GPHN: variants seen among roughly 807,000 people sequenced by gnomAD.
GPHN encodes gephyrin.
Under a neutral mutation model 95.5 loss-of-function variants are expected in GPHN, and 17 were observed. That is an observed-to-expected ratio of 0.18 (90% CI 0.12 to 0.27). GPHN has a LOEUF of 0.27. Among genes scored for constraint, GPHN ranks in the 10% least tolerant of loss-of-function variants. The pLI is 1.00. For synonymous variants in GPHN, 320 were observed against 322.5 expected, an observed-to-expected ratio of 0.99 and a Z score of 0.08; for missense variants, 660 against 978.1, an observed-to-expected ratio of 0.67 and a Z score of 4.34.
the GPHN span, among the ~76,000 whole-genome samples, chr14:67,477,384 C>A: frequency 6.6e-6 from 1 of 152,178 alleles, no homozygotes; most frequent in Non-Finnish European, 1.5e-5. Flanking sequence ...TGAGTATAAA[C>A]CAGCTTGCAG....
At chr14:66,668,278 C>T (rs1437453919) in intron 1 of GPHN, among the ~76,000 whole-genome samples, 1 of 152,204 alleles carries the variant, frequency 6.6e-6, no homozygotes, top group African/African-American at 2.4e-5. Context: ...AATCCCATTA[C>T]TGGGTATATA....
Position 66,922,721 on chromosome 14 carries a change from A to T in GPHN, c.512A>T (p.Asp171Val). Reference sequence around the variant, plus strand: ...CCTCATGCCATTGACCTTTTACGTGATGCCATTGTAAAAGTAAAGGAGGTG... The same window carrying T: ...CCTCATGCCATTGACCTTTTACGTGTTGCCATTGTAAAAGTAAAGGAGGTG... ...ALPHAIDLLR[D>V]AIVKVKEVHD... Residue 171 changes from aspartate to valine, a missense_variant, in exon 7 of 23, where the codon GAT (aspartate) becomes GTT (valine). This residue lies in a region of GPHN where 71 missense variants were observed against 130.8 expected (regional missense o/e 0.54). Coordinates refer to ENST00000478722, the MANE Select transcript of GPHN (RefSeq NM_020806.5). 1 of 1,612,916 alleles carries T rather than the reference A, an allele frequency of 6.2e-7. No individual in the cohort carries two copies. Among genetic ancestry groups the T allele is most frequent in the South Asian group, 1.1e-5 (1 of 91,048 alleles).
chr14:67,289,595 C>T, the GPHN span, among the ~76,000 whole-genome samples: 663 of 151,750 alleles, frequency 4.4e-3, 19 homozygotes, highest in East Asian at 0.06. Flanking sequence ...TGATTTGGGG[C>T]GGGAAAGATA....
chr14:67,150,458 A>AC (rs2081203718), intron 18 of GPHN, among the ~76,000 whole-genome samples: 1 of 148,174 alleles, frequency 6.7e-6, no homozygotes, highest in Non-Finnish European at 1.5e-5. Context: ...AAAAACAAAA[A>AC]AAAAAAAAAA....
intron 9 of GPHN, among the ~76,000 whole-genome samples, chr14:66,982,438 A>C (rs974822585): frequency 6.6e-6 from 1 of 152,186 alleles, no homozygotes; most frequent in Non-Finnish European, 1.5e-5. Flanking sequence ...TAGTTTCCCC[A>C]GTAATTAATC....
At chr14:66,552,944 G>A (rs2059870449) in intron 1 of GPHN, among the ~76,000 whole-genome samples, 1 of 147,064 alleles carries the variant, frequency 6.8e-6, no homozygotes, top group Non-Finnish European at 1.5e-5. Context: ...TATTTATCCT[G>A]TTTGGGATTG....
the GPHN span, among the ~76,000 whole-genome samples, chr14:67,213,984 T>C: frequency 6.6e-6 from 1 of 152,268 alleles, no homozygotes; most frequent in African/African-American, 2.4e-5. Context: ...TATCTGTTCA[T>C]GTCCTTCGCC....
chr14:67,578,063 C>T, the GPHN span: 90 of 1,613,798 alleles, frequency 5.6e-5, no homozygotes, highest in African/African-American at 5.3e-4. The surrounding 1 kb of genome is among the most constrained non-coding windows in gnomAD (Gnocchi z 5.0). Flanking sequence ...GAAGCTGCCT[C>T]GGTGGACTAC....
intron 12 of GPHN, among the ~76,000 whole-genome samples, chr14:67,094,515 A>T (rs886230571): frequency 7.9e-5 from 12 of 152,194 alleles, no homozygotes; most frequent in African/African-American, 2.9e-4. Context: ...GAAGTCCTTC[A>T]AATCTATTCA....
At chr14:67,668,977 T>A in the GPHN span, among the ~76,000 whole-genome samples, 1 of 152,232 alleles carries the variant, frequency 6.6e-6, no homozygotes, top group South Asian at 2.1e-4. Context: ...AGAATAGTTG[T>A]ATACAGGGCT....
At chr14:67,512,570 A>G in the GPHN span, among the ~76,000 whole-genome samples, 1 of 152,302 alleles carries the variant, frequency 6.6e-6, no homozygotes, top group South Asian at 2.1e-4. Flanking sequence ...ACAAACTTGA[A>G]AACAGCCAGG....
chr14:67,688,999 T>C, the GPHN span, among the ~76,000 whole-genome samples: 1 of 152,234 alleles, frequency 6.6e-6, no homozygotes, highest in African/African-American at 2.4e-5. Context: ...TACTGCACCA[T>C]AATGATTTTC....
chr14:67,108,712 G>GGGGTGTGT (rs5809330), intron 13 of GPHN, among the ~76,000 whole-genome samples: 2 of 131,142 alleles, frequency 1.5e-5, no homozygotes, highest in East Asian at 2.2e-4. Context: ...TTCCCTAAGG[G>GGGGTGTGT]GTGTGTGTGT....
At chr14:67,055,509 C>T (rs1382250684) in intron 10 of GPHN, among the ~76,000 whole-genome samples, 1 of 152,176 alleles carries the variant, frequency 6.6e-6, no homozygotes, top group African/African-American at 2.4e-5. Context: ...CCTCAAAGAC[C>T]TAGAACTAGA....
the GPHN span, among the ~76,000 whole-genome samples, chr14:67,524,734 A>G: frequency 6.6e-6 from 1 of 152,234 alleles, no homozygotes; most frequent in African/African-American, 2.4e-5. Context: ...AACATACTGT[A>G]TAATAGGAAT....
intron 1 of GPHN, among the ~76,000 whole-genome samples, chr14:66,606,930 ATTTC>A (rs2062562896): frequency 1.3e-5 from 2 of 151,842 alleles, no homozygotes; most frequent in Non-Finnish European, 2.9e-5. Context: ...AATGTATTTT[ATTTC>A]TTTCTTTTGT....
chr14:67,467,445 A>C, the GPHN span: 1 of 152,234 alleles, frequency 6.6e-6, no homozygotes, highest in Non-Finnish European at 1.5e-5. Context: ...GGGCAAAAAG[A>C]AGGCTGTGGG....
the GPHN span, among the ~76,000 whole-genome samples, chr14:67,633,012 G>A: frequency 2.0e-5 from 3 of 151,740 alleles, no homozygotes; most frequent in Admixed American, 6.6e-5. Context: ...AGTAGAGACA[G>A]TGTTTCACCA....
intron 8 of GPHN, among the ~76,000 whole-genome samples, chr14:66,954,995 A>G (rs1028966980): frequency 2.0e-5 from 3 of 152,100 alleles, no homozygotes; most frequent in Non-Finnish European, 1.5e-5. Flanking sequence ...TTGTTTTAGT[A>G]TAATATTTGT....
Sources: allele counts gnomAD v4.1 joint callset (sites outside exome capture counted in the v4.1 genomes callset), GRCh38; gene constraint gnomAD v4.1.1; regional missense constraint gnomAD v4.1.1; non-coding constraint Gnocchi (gnomAD v3.1); transcripts MANE v1.5; gene names NCBI Gene and HGNC (gene_info 2026-07-23, HGNC 2026-07-21).